CCDC169: variants seen among roughly 807,000 people sequenced by gnomAD.
CCDC169 encodes coiled-coil domain-containing protein 169.
In CCDC169, 30 loss-of-function variants were observed where a neutral mutation model predicts 36.0. That is an observed-to-expected ratio of 0.83 (90% CI 0.62 to 1.13). CCDC169 has a LOEUF of 1.13. CCDC169 is among the 50% of genes most tolerant of loss of function. The pLI, the probability that CCDC169 is intolerant of heterozygous loss-of-function variation, is 0.00. For missense variants in CCDC169, 245 were observed against 245.9 expected, an observed-to-expected ratio of 1.00 and a Z score of 0.03; for synonymous variants, 85 against 81.5, an observed-to-expected ratio of 1.04 and a Z score of -0.23.
chr13:36,237,605 CAGAA>C (rs1173831487), intron 7 of CCDC169, among the ~76,000 whole-genome samples: 1 of 152,052 alleles, frequency 6.6e-6, no homozygotes, highest in Non-Finnish European at 1.5e-5. Flanking sequence ...TACTCTGTCA[CAGAA>C]AGGAATAAGG....
chr13:36,238,511 T>C (rs1360947460), intron 7 of CCDC169, among the ~76,000 whole-genome samples: 1 of 152,174 alleles, frequency 6.6e-6, no homozygotes, highest in Non-Finnish European at 1.5e-5. Flanking sequence ...CTGTTAAAAT[T>C]TTCTTTAGTT....
chr13:36,241,012 T>C (rs751408708), intron 7 of CCDC169, among the ~76,000 whole-genome samples: 9 of 152,138 alleles, frequency 5.9e-5, no homozygotes, highest in Non-Finnish European at 1.0e-4. Flanking sequence ...TAGTATTATG[T>C]CTACACAGTA....
At position 36,295,824 on chromosome 13, in the gene CCDC169, T is replaced by G. The variant is rs191764906; in HGVS notation, c.117A>C (p.Arg39Ser). ...DAVQLSIFEL[R>S]HKITELEAKL... is the part of the protein sequence containing the mutation. ...TGGCTTCCAGTTCCGTAATCTTGTG[T>G]CTTAGTTCAAATATTGAGAGTTGCA... Residue 39 changes from arginine to serine, a missense_variant, in exon 2 of 8, where the codon AGA becomes AGC. By Grantham distance (110) the Arg-to-Ser change is moderately radical. Coordinates refer to ENST00000239859, the MANE Select transcript of CCDC169 (RefSeq NM_001144981.3). 3.2e-4 allele frequency: 487 copies of G among 1,544,772 alleles called. 1 individual carries two copies. The African/African-American group carries it at 5.9e-3, about 19-fold the overall frequency.
At chr13:36,288,766 T>C (rs1177083819) in intron 2 of CCDC169, among the ~76,000 whole-genome samples, 1 of 151,982 alleles carries the variant, frequency 6.6e-6, no homozygotes, top group Admixed American at 6.6e-5. Flanking sequence ...TAAAAGAAGG[T>C]AAAAAAGAAT....
At chr13:36,281,289 G>GAAAA in intron 4 of CCDC169, 1 of 412,134 alleles carries the variant, frequency 2.4e-6, no homozygotes, top group Admixed American at 2.7e-5. Flanking sequence ...AAAGAAAAGA[G>GAAAA]AAAAAAAAAA....
At chr13:36,254,362 G>T (rs1318643308) in intron 4 of CCDC169, among the ~76,000 whole-genome samples, 1 of 145,346 alleles carries the variant, frequency 6.9e-6, no homozygotes, top group Non-Finnish European at 1.5e-5. Flanking sequence ...TGCAACCTCC[G>T]CCTCCCAGGT....
At chr13:36,231,529 C>G (rs1479898148) in intron 7 of CCDC169, among the ~76,000 whole-genome samples, 1 of 152,202 alleles carries the variant, frequency 6.6e-6, no homozygotes, top group Non-Finnish European at 1.5e-5. Context: ...AATTCAAAGG[C>G]TGGAAGCAGC....
chr13:36,247,017 T>C (rs1021970658), intron 7 of CCDC169, among the ~76,000 whole-genome samples: 1 of 152,196 alleles, frequency 6.6e-6, no homozygotes, highest in Non-Finnish European at 1.5e-5. Flanking sequence ...TGAGTTTATG[T>C]TGAAGCTAAT....
chr13:36,231,009 G>A lies in CCDC169; in HGVS notation c.*184C>T. 2 of 1,385,564 alleles carry A rather than the reference G, an allele frequency of 1.4e-6. No homozygotes were observed. The allele number at this position is 1,385,564 out of a possible 1,614,324, so 85.8% of individuals were successfully genotyped here. ...AAGCACTTCTATTACATAGTTTAGG[G>A]TCACTGGAGAAAATTACTTTTATGC... On this transcript the variant is annotated 3_prime_UTR_variant, in exon 8 of 8. Transcript: ENST00000239859.
downstream of CCDC169, among the ~76,000 whole-genome samples, chr13:36,230,180 T>G (rs1017380187): frequency 5.3e-5 from 8 of 152,206 alleles, no homozygotes; most frequent in Non-Finnish European, 1.0e-4. Context: ...GAATTTAGGT[T>G]TAGTGCCAGA....
intron 6 of CCDC169, among the ~76,000 whole-genome samples, chr13:36,251,051 G>C (rs1873086581): frequency 6.6e-6 from 1 of 152,172 alleles, no homozygotes; most frequent in African/African-American, 2.4e-5. Flanking sequence ...TGACTTTTAA[G>C]TAATGCAACG....
At chr13:36,277,331 T>C (rs1426236766) in intron 4 of CCDC169, among the ~76,000 whole-genome samples, 2 of 150,340 alleles carry the variant, frequency 1.3e-5, no homozygotes, top group Non-Finnish European at 3.0e-5. Context: ...GGTGGGGGAG[T>C]GGAGAGCATT....
At chr13:36,228,711 T>C (rs1870109644), downstream of CCDC169, among the ~76,000 whole-genome samples, 1 of 152,020 alleles carries the variant, frequency 6.6e-6, no homozygotes, top group Non-Finnish European at 1.5e-5. Flanking sequence ...TCACCACAAC[T>C]GGTTAATTTT....
intron 4 of CCDC169, among the ~76,000 whole-genome samples, chr13:36,276,383 G>A (rs1422854694): frequency 6.6e-6 from 1 of 152,112 alleles, no homozygotes; most frequent in Non-Finnish European, 1.5e-5. Context: ...ACATATTCAA[G>A]GATTTGGATT....
chr13:36,247,375 A>G (rs1872638843), intron 7 of CCDC169, among the ~76,000 whole-genome samples: 4 of 152,234 alleles, frequency 2.6e-5, no homozygotes, highest in Admixed American at 1.3e-4. Flanking sequence ...AATACATTTC[A>G]TAAGTTTATA....
At chr13:36,230,583 A>G (rs1870307711), downstream of CCDC169, among the ~76,000 whole-genome samples, 1 of 152,180 alleles carries the variant, frequency 6.6e-6, no homozygotes, top group African/African-American at 2.4e-5. Flanking sequence ...AGAATTGTAA[A>G]AACCTCAGAA....
chr13:36,290,939 G>C (rs561626092), intron 2 of CCDC169, among the ~76,000 whole-genome samples: 3 of 151,122 alleles, frequency 2.0e-5, no homozygotes, highest in South Asian at 2.1e-4. Flanking sequence ...CTTAGCTATG[G>C]ATACCACCTC....
chr13:36,265,572 G>C (rs1359462423), intron 4 of CCDC169, among the ~76,000 whole-genome samples: 2 of 152,210 alleles, frequency 1.3e-5, no homozygotes, highest in Non-Finnish European at 2.9e-5. Flanking sequence ...ATTAAAGAGA[G>C]CTATGTTAGG....
At chr13:36,245,697 A>G (rs905882111) in intron 7 of CCDC169, among the ~76,000 whole-genome samples, 1 of 152,234 alleles carries the variant, frequency 6.6e-6, no homozygotes, top group Non-Finnish European at 1.5e-5. Flanking sequence ...TCCAGTGAAC[A>G]TATTTCCTGA....
Sources: gnomAD v4.1 joint callset for allele counts (sites outside exome capture counted in the v4.1 genomes callset) on GRCh38, gnomAD v4.1.1 for gene constraint, MANE v1.5 for transcripts, NCBI Gene and HGNC (gene_info 2026-07-23, HGNC 2026-07-21) for gene names.